COP1: variants seen among roughly 807,000 people sequenced by gnomAD.
COP1 encodes COP1 E3 ubiquitin ligase.
COP1 carries 24 observed loss-of-function variants against 101.3 expected under a neutral mutation model. That is an observed-to-expected ratio of 0.24 (90% CI 0.17 to 0.33). The LOEUF (loss-of-function observed/expected upper bound fraction) is 0.33, where lower values mean the gene tolerates loss of function less well. Among genes scored for constraint, COP1 ranks in the 10% least tolerant of loss-of-function variants. The probability of loss-of-function intolerance (pLI) is 1.00; values close to 1 mark genes in which losing one functional copy is unlikely to be tolerated. For missense variants in COP1, 663 were observed against 906.2 expected (o/e 0.73, Z 3.45); for synonymous variants, 347 against 341.9 (o/e 1.01, Z -0.17).
At chr1:176,151,748 T>C (rs1692629770) in intron 5 of COP1, among the ~76,000 whole-genome samples, 1 of 152,362 alleles carries the variant, frequency 6.6e-6, no homozygotes. Flanking sequence ...CCTTCGGTTA[T>C]ATGGCAAGTT....
At chr1:176,202,652 G>A (rs996748609) in intron 1 of COP1, among the ~76,000 whole-genome samples, 1 of 151,692 alleles carries the variant, frequency 6.6e-6, no homozygotes, top group Non-Finnish European at 1.5e-5. Context: ...GGGCAACATA[G>A]GGAGAGCCCT....
chr1:176,184,532 A>G lies in COP1; in HGVS notation c.467+101T>C. The G allele has an allele frequency of 8.9e-6, 8 of 897,824 alleles. No individual in the cohort carries two copies. The South Asian group carries it at 9.9e-5, about 11-fold the overall frequency. The allele number at this position is 897,824 out of a possible 1,614,324, so 55.6% of individuals were successfully genotyped here. A position where few individuals can be genotyped will look rare whatever the true frequency, so the allele number is the denominator to read the frequency against. ...TCAAGAAAAAAAATATGACTGTAAC[A>G]TAATCAAAGTTGGTTTAAAACACGT... On this transcript the variant is annotated intron_variant, in intron 2 of 19. Coordinates refer to ENST00000367669, the MANE Select transcript of COP1 (RefSeq NM_022457.7).
At position 176,085,912 on chromosome 1, in the gene COP1, C is replaced by A. The variant is rs186199345; in HGVS notation, c.1027-22G>T. ...TTGTCTAAAATAATAAGAAAAGACA[C>A]AAAACTTAGAATAAACAATACTCTT... On this transcript the variant is annotated intron_variant, in intron 9 of 19. Coordinates refer to ENST00000367669, the MANE Select transcript of COP1 (RefSeq NM_022457.7). The A allele has an allele frequency of 5.9e-3, 8,058 of 1,360,412 alleles. 62 individuals carry two copies. Among genetic ancestry groups the A allele is most frequent in the Non-Finnish European group, 6.3e-3 (6,083 of 962,464 alleles). 84.3% of individuals were successfully genotyped at this position (1,360,412 alleles called of 1,614,324 possible).
intron 11 of COP1, among the ~76,000 whole-genome samples, chr1:176,063,362 A>C (rs1675331856): frequency 1.3e-5 from 2 of 152,204 alleles, no homozygotes; most frequent in Admixed American, 1.3e-4. Context: ...GCCTGGCCCG[A>C]AAATGTTTTA....
At chr1:176,083,037 C>G (rs994266148) in intron 10 of COP1, among the ~76,000 whole-genome samples, 2 of 152,042 alleles carry the variant, frequency 1.3e-5, no homozygotes, top group African/African-American at 4.8e-5. Context: ...AAAACTCTTG[C>G]TCCACAAAAA....
chr1:176,082,313 A>G (rs969835410), intron 10 of COP1, among the ~76,000 whole-genome samples: 9 of 152,278 alleles, frequency 5.9e-5, no homozygotes, highest in African/African-American at 1.9e-4. Flanking sequence ...TTCAAGGTAA[A>G]TGTTCATGAT....
intron 18 of COP1, among the ~76,000 whole-genome samples, chr1:175,964,755 C>A (rs1232393442): frequency 6.6e-6 from 1 of 152,252 alleles, no homozygotes; most frequent in South Asian, 2.1e-4. Context: ...CTGGAGGGCA[C>A]AGAACAGTGA....
chr1:176,127,045 T>C (rs1480557105), intron 8 of COP1, among the ~76,000 whole-genome samples: 1 of 152,216 alleles, frequency 6.6e-6, no homozygotes, highest in Non-Finnish European at 1.5e-5. Flanking sequence ...GTCTGTCATA[T>C]TCACAAATAT....
intron 14 of COP1, among the ~76,000 whole-genome samples, chr1:176,041,361 T>TTTTTTC (rs1670502263): frequency 6.6e-6 from 1 of 151,690 alleles, no homozygotes; most frequent in African/African-American, 2.4e-5. Context: ...TTCTTTTTTT[T>TTTTTTC]TTTTGAGACA....
At chr1:176,173,253 G>A (rs1696362776) in intron 3 of COP1, among the ~76,000 whole-genome samples, 1 of 144,268 alleles carries the variant, frequency 6.9e-6, no homozygotes, top group Non-Finnish European at 1.5e-5. Context: ...GGAGGTTGCA[G>A]TGAGTCAAGA....
chr1:176,026,320 A>G (rs1444092283), intron 15 of COP1, among the ~76,000 whole-genome samples: 2 of 151,644 alleles, frequency 1.3e-5, no homozygotes, highest in Non-Finnish European at 2.9e-5. Flanking sequence ...AAGAGTATAT[A>G]TTTTAATTGA....
chr1:176,133,709 G>C (rs1213913550), intron 8 of COP1: 1 of 352,952 alleles, frequency 2.8e-6, no homozygotes, highest in Non-Finnish European at 5.6e-6. Context: ...GTGAGAGACT[G>C]AGTAACAAAG....
intron 10 of COP1, among the ~76,000 whole-genome samples, chr1:176,082,440 C>G (rs1679338539): frequency 6.6e-6 from 1 of 152,114 alleles, no homozygotes; most frequent in Non-Finnish European, 1.5e-5. Context: ...TTTATGTTAT[C>G]TGGAGATATT....
chr1:176,004,888 C>T lies in COP1; in HGVS notation c.1730-15409G>A, dbSNP rs147903183. On this transcript the variant is annotated intron_variant, in intron 15 of 19. Transcript: ENST00000367669. Reference sequence around the variant, plus strand: ...TCATAAAATGAGTTAGGGAGGATTCCCTCTTTTTCTATTGATTGGAATAGT... The same window carrying T: ...TCATAAAATGAGTTAGGGAGGATTCTCTCTTTTTCTATTGATTGGAATAGT... Among the ~76,000 whole-genome samples, 1,312 of 151,524 alleles carry T rather than the reference C, an allele frequency of 8.7e-3. 28 individuals are homozygous for T. The highest frequency in any genetic ancestry group is 0.03 in the African/African-American group (1,227 of 41,428).
chr1:176,141,657 A>T (rs1435574860), intron 6 of COP1, among the ~76,000 whole-genome samples: 1 of 152,028 alleles, frequency 6.6e-6, no homozygotes, highest in African/African-American at 2.4e-5. Context: ...AAACACTCAC[A>T]TACTTCATAT....
At chr1:176,080,005 A>G (rs1678809020) in intron 11 of COP1, among the ~76,000 whole-genome samples, 1 of 152,118 alleles carries the variant, frequency 6.6e-6, no homozygotes, top group Non-Finnish European at 1.5e-5. Context: ...AAAAAAAAAA[A>G]TCAGTAACAG....
intron 14 of COP1, among the ~76,000 whole-genome samples, chr1:176,033,492 C>T (rs1668981283): frequency 6.6e-6 from 1 of 152,058 alleles, no homozygotes; most frequent in Non-Finnish European, 1.5e-5. Flanking sequence ...CTTCTGCTAT[C>T]ATACAGTCTA....
chr1:176,027,607 G>A lies in COP1; in HGVS notation c.1694C>T (p.Pro565Leu). The A allele has an allele frequency of 1.2e-6, 2 of 1,613,530 alleles. No individual in the cohort carries two copies. The highest frequency in any genetic ancestry group is 1.1e-5 in the South Asian group (1 of 91,052). The change falls in exon 15 of 20, where the codon CCC (proline) becomes CTC (leucine). Residue 565 changes from proline (P) to leucine (L), a missense_variant. Physicochemically the swap from Pro to Leu is moderately conservative, Grantham distance 98 (BLOSUM62 -3). Around this residue, in one of 4 missense-constraint regions of COP1, gnomAD observed 209 missense variants for 383.3 expected, o/e 0.55. Coordinates refer to ENST00000367669, the MANE Select transcript of COP1 (RefSeq NM_022457.7). ...KANVCCVKFS[P>L]SSRYHLAFGC... Reference sequence around the variant, plus strand: ...GAAAGCCAAATGGTATCTGGAAGAGGGGCTGAATTTAACACAGCACACATT... The same window carrying A: ...GAAAGCCAAATGGTATCTGGAAGAGAGGCTGAATTTAACACAGCACACATT...
At chr1:175,961,450 T>C (rs1051847945) in intron 18 of COP1, among the ~76,000 whole-genome samples, 3 of 152,056 alleles carry the variant, frequency 2.0e-5, no homozygotes, top group African/African-American at 7.2e-5. Flanking sequence ...TGCCAGATAA[T>C]TGTGCTGGGT....
Sources: gnomAD v4.1 joint callset for allele counts (sites outside exome capture counted in the v4.1 genomes callset) on GRCh38, gnomAD v4.1.1 for gene constraint, gnomAD v4.1.1 regional missense constraint, MANE v1.5 for transcripts, NCBI Gene and HGNC (gene_info 2026-07-23, HGNC 2026-07-21) for gene names.